PTPRK: variants seen among roughly 807,000 people sequenced by gnomAD.
The protein encoded by PTPRK is receptor-type tyrosine-protein phosphatase kappa.
A neutral mutation model predicts 178.0 loss-of-function variants in PTPRK; 75 were observed. The ratio of observed to expected loss-of-function variants is 0.42; its 90% CI spans 0.35 to 0.51. PTPRK has a LOEUF of 0.51. PTPRK is among the 20% of genes least tolerant of loss of function. The probability of loss-of-function intolerance (pLI) is 0.02; values close to 1 mark genes in which losing one functional copy is unlikely to be tolerated. For missense variants in PTPRK, 1,441 were observed against 1,797.8 expected, an observed-to-expected ratio of 0.80 and a Z score of 3.59; for synonymous variants, 637 against 620.6, an observed-to-expected ratio of 1.03 and a Z score of -0.39.
Position 127,970,187 on chromosome 6 carries a change from C to T in PTPRK, c.*40G>A. On this transcript the variant is annotated 3_prime_UTR_variant, in exon 30 of 30. Coordinates refer to ENST00000368226, the MANE Select transcript of PTPRK (RefSeq NM_002844.4). The stretch of plus-strand genomic sequence containing the variant: ...AACAGCTGCTGGCTCAATAGATGGA[C>T]AGGTTTCTTCATGGATGCACTTTAA... The T allele has an allele frequency of 6.6e-7, 1 of 1,519,124 alleles. No homozygotes were observed. Among genetic ancestry groups the T allele is most frequent in the African/African-American group, 1.4e-5 (1 of 72,226 alleles). 94.1% of individuals were successfully genotyped at this position (1,519,124 alleles called of 1,614,324 possible). A position where few individuals can be genotyped will look rare whatever the true frequency, so the allele number is the denominator to read the frequency against.
chr6:128,222,302 T>C (rs1043408251), intron 5 of PTPRK, among the ~76,000 whole-genome samples: 19 of 152,232 alleles, frequency 1.2e-4, no homozygotes, highest in African/African-American at 4.3e-4. Context: ...GGAGGGTACA[T>C]TTTATGGTAC....
chr6:128,110,537 G>C (rs1419434910), intron 7 of PTPRK, among the ~76,000 whole-genome samples: 2 of 151,932 alleles, frequency 1.3e-5, no homozygotes, highest in Non-Finnish European at 2.9e-5. Flanking sequence ...ATAGAGCTAG[G>C]ACTACATATG....
chr6:128,447,583 G>A (rs937173308), intron 1 of PTPRK, among the ~76,000 whole-genome samples: 8 of 151,766 alleles, frequency 5.3e-5, no homozygotes, highest in African/African-American at 1.5e-4. Flanking sequence ...TTAAAGTAGC[G>A]GGAAAGCTGT....
At chr6:128,236,540 G>T (rs1280467243) in intron 5 of PTPRK, among the ~76,000 whole-genome samples, 1 of 151,704 alleles carries the variant, frequency 6.6e-6, no homozygotes, top group East Asian at 1.9e-4. Flanking sequence ...GTAGAGACAG[G>T]GTTTCACTAT....
chr6:128,227,939 AG>A (rs1281235971), intron 5 of PTPRK, among the ~76,000 whole-genome samples: 1 of 152,008 alleles, frequency 6.6e-6, no homozygotes, highest in Non-Finnish European at 1.5e-5. Context: ...GGACATAGGG[AG>A]GGGAACATCA....
Position 128,493,216 on chromosome 6 carries a change from T to G in PTPRK, c.100+27043A>C, listed in dbSNP as rs998351830. On this transcript the variant is annotated intron_variant, in intron 1 of 29. Transcript: ENST00000368226. ...TTCACTAAAAACTGGAAATTAAAAC[T>G]GCAATTTTTAAAAATTTATTACATA... Among the ~76,000 whole-genome samples the G allele has an allele frequency of 5.9e-5, 9 of 152,258 alleles. No homozygotes were observed. The East Asian group carries it at 1.7e-3, about 29-fold the overall frequency.
intron 1 of PTPRK, among the ~76,000 whole-genome samples, chr6:128,509,854 T>G (rs1315512928): frequency 6.6e-6 from 1 of 152,064 alleles, no homozygotes. Flanking sequence ...CTGAGGTAGG[T>G]TGCTGCCAGC....
At chr6:128,277,809 T>C (rs541411724) in intron 3 of PTPRK, among the ~76,000 whole-genome samples, 2 of 152,018 alleles carry the variant, frequency 1.3e-5, no homozygotes, top group African/African-American at 2.4e-5. Context: ...TGGAGAAAAT[T>C]TGCAGAAGTA....
intron 1 of PTPRK, among the ~76,000 whole-genome samples, chr6:128,420,185 C>T (rs1048459322): frequency 2.0e-5 from 3 of 152,000 alleles, no homozygotes; most frequent in African/African-American, 7.3e-5. Flanking sequence ...TTGTCTTTGT[C>T]GATAGTGTGT....
intron 13 of PTPRK, among the ~76,000 whole-genome samples, chr6:128,057,456 G>C (rs897149651): frequency 1.3e-5 from 2 of 152,180 alleles, no homozygotes; most frequent in Non-Finnish European, 2.9e-5. Context: ...TTCCTTCTGG[G>C]AGAAGGGAAT....
At chr6:128,244,751 G>A (rs914699813) in intron 3 of PTPRK, among the ~76,000 whole-genome samples, 4 of 152,188 alleles carry the variant, frequency 2.6e-5, no homozygotes, top group Non-Finnish European at 5.9e-5. Context: ...CTAGTAGGAG[G>A]AGGTGAAAAC....
intron 13 of PTPRK, chr6:128,027,897 T>G (rs1774601416): frequency 6.6e-6 from 1 of 152,214 alleles, no homozygotes; most frequent in Non-Finnish European, 1.5e-5. Flanking sequence ...CAGCTGTATC[T>G]TCTTTTACCG....
intron 1 of PTPRK, among the ~76,000 whole-genome samples, chr6:128,455,805 T>A (rs1848314493): frequency 6.6e-6 from 1 of 152,018 alleles, no homozygotes; most frequent in Non-Finnish European, 1.5e-5. Flanking sequence ...CAGTTAAGAG[T>A]TAGAAAATAC....
chr6:128,247,002 AG>A (rs1226154120), intron 3 of PTPRK, among the ~76,000 whole-genome samples: 2 of 152,210 alleles, frequency 1.3e-5, no homozygotes, highest in Admixed American at 6.5e-5. Flanking sequence ...ATCCACAGGA[AG>A]TGTCTCCTAT....
At chr6:128,022,684 C>T (rs1056472090) in intron 13 of PTPRK, among the ~76,000 whole-genome samples, 1 of 152,134 alleles carries the variant, frequency 6.6e-6, no homozygotes, top group African/African-American at 2.4e-5. Flanking sequence ...GGCTGGGGGT[C>T]CTCAGTATTT....
intron 1 of PTPRK, among the ~76,000 whole-genome samples, chr6:128,410,593 A>T (rs1842193349): frequency 6.6e-6 from 1 of 152,226 alleles, no homozygotes; most frequent in African/African-American, 2.4e-5. Context: ...GGGCTGTGGT[A>T]ACCTCCACAA....
chr6:128,052,197 T>C lies in PTPRK; in HGVS notation c.2194+12561A>G, dbSNP rs188191156. Reference sequence around the variant, plus strand: ...CACTACTCCCTTGTTTTCACTTTACTAAGCATGAAGAGTAAGTGACTGCCC... The same window carrying C: ...CACTACTCCCTTGTTTTCACTTTACCAAGCATGAAGAGTAAGTGACTGCCC... On this transcript the variant is annotated intron_variant, in intron 13 of 29. Coordinates refer to ENST00000368226, the MANE Select transcript of PTPRK (RefSeq NM_002844.4). Among the ~76,000 whole-genome samples, 163 of 152,348 alleles carry C rather than the reference T, an allele frequency of 1.1e-3. 1 individual carries two copies. Among genetic ancestry groups the C allele is most frequent in the African/African-American group, 3.8e-3 (159 of 41,576 alleles).
At chr6:128,116,020 T>G (rs1184223112) in intron 7 of PTPRK, among the ~76,000 whole-genome samples, 4 of 151,960 alleles carry the variant, frequency 2.6e-5, no homozygotes, top group African/African-American at 9.7e-5. Flanking sequence ...CCAAAACTAC[T>G]CACAGACTAT....
chr6:127,995,276 A>T, intron 18 of PTPRK, 186 bp downstream of exon 18: 1 of 1,607,336 alleles, frequency 6.2e-7, no homozygotes, highest in South Asian at 1.1e-5. Flanking sequence ...TCTACAGCCC[A>T]AACCAAAGTC....
Sources: gnomAD v4.1 joint callset for allele counts (sites outside exome capture counted in the v4.1 genomes callset) on GRCh38, gnomAD v4.1.1 for gene constraint, MANE v1.5 for transcripts, NCBI Gene and HGNC (gene_info 2026-07-23, HGNC 2026-07-21) for gene names.